ABCB9: variants seen among roughly 807,000 people sequenced by gnomAD.
The protein encoded by ABCB9 is ABC-type oligopeptide transporter ABCB9.
ABCB9 carries 36 observed loss-of-function variants against 62.0 expected under a neutral mutation model. That is an observed-to-expected ratio of 0.58 (90% CI 0.45 to 0.77). The LOEUF (loss-of-function observed/expected upper bound fraction) is 0.77. Among genes scored for constraint, ABCB9 ranks in the 30% least tolerant of loss-of-function variants. ABCB9 has a pLI of 0.00. For missense variants in ABCB9, 943 were observed against 1,054.7 expected (o/e 0.89, Z 1.47); for synonymous variants, 435 against 461.4 (o/e 0.94, Z 0.73).
upstream of ABCB9, among the ~76,000 whole-genome samples, chr12:122,968,654 T>C (rs1023941846): frequency 1.3e-5 from 2 of 150,226 alleles, no homozygotes; most frequent in South Asian, 2.1e-4. Context: ...TTTTTTTTTT[T>C]TTTGAGATGG....
chr12:122,966,596 C>A (rs1259454538), upstream of ABCB9: 4 of 138,016 alleles, frequency 2.9e-5, no homozygotes, highest in Non-Finnish European at 4.7e-5. Context: ...CTTTCCTGGA[C>A]GGGGCGGGGC....
chr12:122,951,287 C>T lies in ABCB9; in HGVS notation c.602-722G>A, dbSNP rs920142854. Among the ~76,000 whole-genome samples, 40 of 145,384 alleles carry T rather than the reference C, an allele frequency of 2.8e-4. No homozygotes were observed. The East Asian group carries it at 7.1e-3, about 26-fold the overall frequency. ...TTTTGAGACAGGGTTTCACTCCTGT[C>T]GCCCAGGCTGGAGTGCAGCCTCAAC... On this transcript the variant is annotated intron_variant, in intron 2 of 11. Coordinates refer to ENST00000280560, the MANE Select transcript of ABCB9 (RefSeq NM_019625.4).
chr12:122,924,133 G>A (rs1348759760), downstream of ABCB9, among the ~76,000 whole-genome samples: 2 of 152,172 alleles, frequency 1.3e-5, no homozygotes, highest in Admixed American at 6.6e-5. Flanking sequence ...GATTGGGGTC[G>A]TCTTTAGCCC....
intron 3 of ABCB9, 26 bp from the exon 4 acceptor site, chr12:122,949,944 G>C (rs777968765): frequency 1.5e-5 from 24 of 1,613,626 alleles, no homozygotes; most frequent in Non-Finnish European, 2.0e-5. Flanking sequence ...AGATATTATA[G>C]CACGATGTCC....
chr12:122,922,323 C>T (rs971545741), intron 11 of ABCB9, among the ~76,000 whole-genome samples: 2 of 152,048 alleles, frequency 1.3e-5, no homozygotes, highest in Non-Finnish European at 2.9e-5. Context: ...CCATTGCTAA[C>T]GATTTCCTCT....
Position 122,940,133 on chromosome 12 carries a change from TC to T in ABCB9, c.1720del (p.Asp574ThrfsTer8). ...TACCACACGGTGCAAGTACTTGTGGTCGTAGGCGCTGATGGGCTTGCCGTCC... is the reference window on the plus strand; with the variant it reads ...TACCACACGGTGCAAGTACTTGTGGTGTAGGCGCTGATGGGCTTGCCGTCC... ...LLDGKPISAYDHKYLHRVISL... is the reference protein window; with the variant it reads ...LLDGKPISAYXHKYLHRVISL... On this transcript the variant is annotated frameshift_variant, in exon 9 of 12. Coordinates refer to ENST00000280560, the MANE Select transcript of ABCB9 (RefSeq NM_019625.4). LOFTEE classifies it high-confidence loss of function. This position sits in a 1 kb window ranked among gnomAD's most constrained non-coding sequence, Gnocchi z 4.8. 6.2e-7 allele frequency: 1 copy of T among 1,612,168 alleles called. No individual in the cohort carries two copies. Among genetic ancestry groups the T allele is most frequent in the South Asian group, 1.1e-5 (1 of 90,674 alleles).
rs1165336149 is a variant in ABCB9, at chr12:122,959,913, C to T, written c.323G>A (p.Arg108His). 22 of 1,613,328 alleles carry T rather than the reference C, an allele frequency of 1.4e-5. No homozygotes were observed. Among genetic ancestry groups the T allele is most frequent in the South Asian group, 3.3e-5 (3 of 91,086 alleles). ...AAACCAGGGGTCCCGGATGGGCCTG[C>T]GCACCTCTGAGAAGAGCAGCAGCTT... ...MVKLLLFSEV[R>H]RPIRDPWFWA... Residue 108 changes from arginine (R) to histidine (H), a missense_variant, in exon 2 of 12, where the codon CGC (arginine) becomes CAC (histidine). Physicochemically the swap from Arg to His is conservative, Grantham distance 29. Coordinates refer to ENST00000280560, the MANE Select transcript of ABCB9 (RefSeq NM_019625.4). The surrounding 1 kb of genome is among the most constrained non-coding windows in gnomAD (Gnocchi z 5.4).
At chr12:122,927,732 T>C (rs1593961814), downstream of ABCB9, among the ~76,000 whole-genome samples, 1 of 152,312 alleles carries the variant, frequency 6.6e-6, no homozygotes, top group East Asian at 1.9e-4. Flanking sequence ...CGAGGGACTT[T>C]GCAGAACAGG....
rs1046362283 is a variant in ABCB9, at chr12:122,945,704, C to T, written c.1251+321G>A. Among the ~76,000 whole-genome samples, 10 of 151,990 alleles carry T rather than the reference C, an allele frequency of 6.6e-5. No homozygotes were observed. The South Asian group carries it at 1.0e-3, about 16-fold the overall frequency. ...ACCAGCCTGGCCAAGATAGTGAAACCCCGTCTCTACCAAAAATACAAAAAT... is the reference window on the plus strand; with the variant it reads ...ACCAGCCTGGCCAAGATAGTGAAACTCCGTCTCTACCAAAAATACAAAAAT... On this transcript the variant is annotated intron_variant, in intron 6 of 11. Coordinates refer to ENST00000280560, the MANE Select transcript of ABCB9 (RefSeq NM_019625.4).
In ABCB9 at chr12:122,960,109, T is replaced by C; in HGVS notation, c.127A>G (p.Ile43Val). ...CAGAGATCCAGCACCGAGTCAAAGATGTTGAAGTGGCGGATGTCCTCCAGG... is the reference window on the plus strand; with the variant it reads ...CAGAGATCCAGCACCGAGTCAAAGACGTTGAAGTGGCGGATGTCCTCCAGG... ...SLLEDIRHFNIFDSVLDLWAA... is the reference protein window; with the variant it reads ...SLLEDIRHFNVFDSVLDLWAA... Residue 43 changes from isoleucine to valine, a missense_variant, in exon 2 of 12, where the codon ATC (isoleucine) becomes GTC (valine). Ile to Val is a conservative substitution (Grantham distance 29). Transcript: ENST00000280560. 1 of 1,613,584 alleles carries C rather than the reference T, an allele frequency of 6.2e-7. No individual in the cohort carries two copies.
At chr12:122,968,413 G>T (rs1199805083), upstream of ABCB9, among the ~76,000 whole-genome samples, 1 of 152,216 alleles carries the variant, frequency 6.6e-6, no homozygotes, top group African/African-American at 2.4e-5. Flanking sequence ...CCCCTGGCAT[G>T]TGATAAACTT....
At chr12:122,926,975 A>G (rs1221532655), downstream of ABCB9, among the ~76,000 whole-genome samples, 2 of 152,216 alleles carry the variant, frequency 1.3e-5, no homozygotes, top group African/African-American at 2.4e-5. Context: ...GAAAGAGGAC[A>G]TTAGTAAGAA....
chr12:122,930,023 T>C lies in ABCB9; in HGVS notation c.2189A>G (p.Gln730Arg). 6.4e-7 allele frequency: 1 copy of C among 1,574,112 alleles called. No individual in the cohort carries two copies. The highest frequency in any genetic ancestry group is 1.3e-5 in the African/African-American group (1 of 74,528). Residue 730 changes from glutamine to arginine, a missense_variant, in exon 12 of 12, where the codon CAG (glutamine) becomes CGG (arginine). Transcript: ENST00000280560. The surrounding 1 kb of genome is among the most constrained non-coding windows in gnomAD (Gnocchi z 4.9). Reference protein sequence around the residue: ...QQGTHQQLLAQGGLYAKLVQR... With the variant: ...QQGTHQQLLARGGLYAKLVQR... ...CACCAGCTTGGCGTAGAGGCCGCCCTGGGCCAGCAGCTGCTGGTGGGTGCC... is the reference window on the plus strand; with the variant it reads ...CACCAGCTTGGCGTAGAGGCCGCCCCGGGCCAGCAGCTGCTGGTGGGTGCC...
At position 122,935,568 on chromosome 12, in the gene ABCB9, G is replaced by GA. The variant is rs2035419790; in HGVS notation, c.1744-138dup. 6 of 1,012,824 alleles carry GA rather than the reference G, an allele frequency of 5.9e-6. No individual in the cohort carries two copies. The South Asian group carries it at 1.0e-4, about 17-fold the overall frequency. 62.7% of individuals were successfully genotyped at this position (1,012,824 alleles called of 1,614,324 possible). A position where few individuals can be genotyped will look rare whatever the true frequency, so the allele number is the denominator to read the frequency against. ...CTGATCAGGGCCCAGTGACTGCACT[G>GA]AGCTGCCTCTCTTCTTCCCCAACAG... On this transcript the variant is annotated intron_variant, in intron 9 of 11. Coordinates refer to ENST00000280560, the MANE Select transcript of ABCB9 (RefSeq NM_019625.4).
downstream of ABCB9, among the ~76,000 whole-genome samples, chr12:122,926,889 G>T (rs2034922286): frequency 6.6e-6 from 1 of 152,154 alleles, no homozygotes; most frequent in Admixed American, 6.6e-5. Flanking sequence ...AATAGAGCAA[G>T]AACCTGTCTC....
chr12:122,936,217 G>A (rs906082293), intron 9 of ABCB9, among the ~76,000 whole-genome samples: 1 of 152,034 alleles, frequency 6.6e-6, no homozygotes, highest in Non-Finnish European at 1.5e-5. Flanking sequence ...CATATACACA[G>A]CATGATTCTA....
At chr12:122,957,445 C>A (rs1202294811) in intron 2 of ABCB9, among the ~76,000 whole-genome samples, 1 of 152,156 alleles carries the variant, frequency 6.6e-6, no homozygotes, top group Non-Finnish European at 1.5e-5. Context: ...AGAACTTACG[C>A]AGGGCCACTC....
Position 122,930,229 on chromosome 12 carries a change from C to A in ABCB9, c.2041-58G>T, listed in dbSNP as rs1388083780. 2 of 1,466,822 alleles carry A rather than the reference C, an allele frequency of 1.4e-6. No individual in the cohort carries two copies. The highest frequency in any genetic ancestry group is 1.8e-6 in the Non-Finnish European group (2 of 1,092,052). The allele number at this position is 1,466,822 out of a possible 1,614,324, so 90.9% of individuals were successfully genotyped here. The stretch of plus-strand genomic sequence containing the variant: ...CACGGACGCCCCACCCGCAACCGTG[C>A]TTCATGCCACGGCCTATGGGCTGAT... On this transcript the variant is annotated intron_variant, in intron 11 of 11. Transcript: ENST00000280560. This position sits in a 1 kb window ranked among gnomAD's most constrained non-coding sequence, Gnocchi z 4.9.
At position 122,940,303 on chromosome 12, in the gene ABCB9, C is replaced by G; in HGVS notation, c.1570-19G>C. On this transcript the variant is annotated intron_variant, in intron 8 of 11. Transcript: ENST00000280560. The surrounding 1 kb of genome is among the most constrained non-coding windows in gnomAD (Gnocchi z 4.8). ...AGACATTCTGCAAAGAACACACAGG[C>G]ACAGTGCGGGGTTATCGGCTCAGGT... 6.4e-7 allele frequency: 1 copy of G among 1,568,868 alleles called. No individual in the cohort carries two copies. The highest frequency in any genetic ancestry group is 8.7e-7 in the Non-Finnish European group (1 of 1,155,668).
Sources: gnomAD v4.1 joint callset for allele counts (sites outside exome capture counted in the v4.1 genomes callset) on GRCh38, gnomAD v4.1.1 for gene constraint, Gnocchi (gnomAD v3.1) non-coding constraint, MANE v1.5 for transcripts, NCBI Gene and HGNC (gene_info 2026-07-23, HGNC 2026-07-21) for gene names.